UGT1A4: variants seen among roughly 807,000 people sequenced by gnomAD.
UGT1A4 encodes the protein UDP-glucuronosyltransferase 1A4.
UGT1A4 carries 32 observed loss-of-function variants against 41.1 expected under a neutral mutation model. The observed-to-expected ratio is 0.78, with a 90% confidence interval of 0.59 to 1.05. UGT1A4 has a LOEUF of 1.05. UGT1A4 is among the 50% of genes least tolerant of loss of function. The pLI, the probability that UGT1A4 is intolerant of heterozygous loss-of-function variation, is 0.00. For missense variants in UGT1A4, 748 were observed against 677.4 expected (o/e 1.10, Z -1.16); for synonymous variants, 283 against 265.1 (o/e 1.07, Z -0.66).
At chr2:233,737,384 T>C (rs375300244) in intron 1 of UGT1A4, among the ~76,000 whole-genome samples, 6 of 152,362 alleles carry the variant, frequency 3.9e-5, no homozygotes, top group African/African-American at 1.4e-4. Context: ...GAGAATCTCC[T>C]TGTCTGCCAG....
chr2:233,750,338 T>A (rs1437609393), intron 1 of UGT1A4, among the ~76,000 whole-genome samples: 1 of 151,900 alleles, frequency 6.6e-6, no homozygotes, highest in Non-Finnish European at 1.5e-5. Context: ...AGAGAGATGA[T>A]CTGAAATTGG....
chr2:233,750,953 C>T (rs1348696377), intron 1 of UGT1A4, among the ~76,000 whole-genome samples: 2 of 151,802 alleles, frequency 1.3e-5, no homozygotes, highest in Non-Finnish European at 2.9e-5. Context: ...ACAGAGTCTC[C>T]ACTGGGGCAC....
Position 233,760,935 on chromosome 2 carries a change from C to CT in UGT1A4, c.868-6095dup. On this transcript the variant is annotated intron_variant, in intron 1 of 4. Coordinates refer to ENST00000373409, the MANE Select transcript of UGT1A4 (RefSeq NM_007120.3). ...AGCGGGTGAAGAACATGCTCATTGCCTTTTCACAGAACTTTCTGTGCGACG... is the reference window on the plus strand; with the variant it reads ...AGCGGGTGAAGAACATGCTCATTGCCTTTTTCACAGAACTTTCTGTGCGACG... 6.2e-7 allele frequency: 1 copy of CT among 1,614,200 alleles called. No individual in the cohort carries two copies. Among genetic ancestry groups the CT allele is most frequent in the Non-Finnish European group, 8.5e-7 (1 of 1,180,050 alleles).
intron 1 of UGT1A4, among the ~76,000 whole-genome samples, chr2:233,739,272 C>T (rs1444866031): frequency 6.6e-6 from 1 of 152,138 alleles, no homozygotes; most frequent in African/African-American, 2.4e-5. Flanking sequence ...AGGTTGGAGC[C>T]CCCACACAGA....
intron 1 of UGT1A4, among the ~76,000 whole-genome samples, chr2:233,763,591 A>G (rs1698352933): frequency 6.6e-6 from 1 of 152,190 alleles, no homozygotes; most frequent in Non-Finnish European, 1.5e-5. Flanking sequence ...TCCTTTGTTA[A>G]CTAAAAATGC....
Position 233,772,397 on chromosome 2 carries a change from C to A in UGT1A4, c.1443C>A (p.Asp481Glu). Residue 481 changes from aspartate (D) to glutamate (E), a missense_variant, in exon 5 of 5, where the codon GAC becomes GAA. By Grantham distance (45) the Asp-to-Glu change is conservative. Coordinates refer to ENST00000373409, the MANE Select transcript of UGT1A4 (RefSeq NM_007120.3). ...GAPHLRPAAH[D>E]LTWYQYHSLD... The stretch of plus-strand genomic sequence containing the variant: ...CACACCTGCGCCCCGCAGCCCACGA[C>A]CTCACCTGGTACCAGTACCATTCCT... The A allele has an allele frequency of 6.2e-7, 1 of 1,614,254 alleles. No individual in the cohort carries two copies. The highest frequency in any genetic ancestry group is 8.5e-7 in the Non-Finnish European group (1 of 1,180,050).
chr2:233,757,331 A>T (rs1696493214), intron 1 of UGT1A4, among the ~76,000 whole-genome samples: 1 of 150,806 alleles, frequency 6.6e-6, no homozygotes, highest in Non-Finnish European at 1.5e-5. Context: ...CTGAAATGGG[A>T]CCATGACAGC....
intron 1 of UGT1A4, among the ~76,000 whole-genome samples, chr2:233,749,879 T>C (rs965424457): frequency 2.6e-5 from 4 of 151,958 alleles, no homozygotes; most frequent in African/African-American, 9.7e-5. Flanking sequence ...ATTATAAGTT[T>C]CCTGAGGCTC....
At chr2:233,748,103 A>G in intron 1 of UGT1A4, 1 of 1,612,606 alleles carries the variant, frequency 6.2e-7, no homozygotes, top group Non-Finnish European at 8.5e-7. Context: ...CCTTCATCCA[A>G]TCAATGTTCC....
In UGT1A4 at chr2:233,743,013, C is replaced by A. The variant is rs1054809; in HGVS notation, c.867+23326C>A. On this transcript the variant is annotated intron_variant, in intron 1 of 4. Transcript: ENST00000373409. ...CAAATTGCATACAGATATTTTACAA[C>A]GATTGAAAGACAAACAGAGGTCCTA... The A allele has an allele frequency of 1.1e-4, 27 of 235,930 alleles. 1 individual carries two copies. The highest frequency in any genetic ancestry group is 7.5e-4 in the South Asian group (13 of 17,240). 14.6% of individuals were successfully genotyped at this position (235,930 alleles called of 1,614,324 possible). A position where few individuals can be genotyped will look rare whatever the true frequency, so the allele number is the denominator to read the frequency against.
chr2:233,729,159 G>A (rs781569400), intron 1 of UGT1A4: 4 of 1,613,520 alleles, frequency 2.5e-6, no homozygotes, highest in Non-Finnish European at 3.4e-6. Context: ...CCCTGCCGTG[G>A]CTGGCCACAG....
At chr2:233,732,788 G>T (rs1197919428) in intron 1 of UGT1A4, among the ~76,000 whole-genome samples, 1 of 148,664 alleles carries the variant, frequency 6.7e-6, no homozygotes, top group Non-Finnish European at 1.5e-5. Context: ...GATTGTCTTG[G>T]CAATGCAGGC....
chr2:233,748,135 T>C (rs1220195478), intron 1 of UGT1A4: 2 of 1,609,160 alleles, frequency 1.2e-6, no homozygotes, highest in South Asian at 1.1e-5. Flanking sequence ...TTTTTAAAAA[T>C]TGTATTTACT....
At chr2:233,724,944 C>G (rs1166254724) in intron 1 of UGT1A4, among the ~76,000 whole-genome samples, 4 of 144,592 alleles carry the variant, frequency 2.8e-5, no homozygotes, top group African/African-American at 1.1e-4. Context: ...CGTCTGCAAT[C>G]CCGGCACCTC....
At chr2:233,722,022 T>C (rs2076987174) in intron 1 of UGT1A4, 2 of 248,590 alleles carry the variant, frequency 8.0e-6, no homozygotes, top group Non-Finnish European at 1.6e-5. Flanking sequence ...AACTGAAACC[T>C]CTTGAATTGC....
chr2:233,756,837 CA>C (rs1471167768), intron 1 of UGT1A4, among the ~76,000 whole-genome samples: 1 of 151,888 alleles, frequency 6.6e-6, no homozygotes, highest in African/African-American at 2.4e-5. Context: ...AATGATTAAC[CA>C]AAGAACATTC....
intron 1 of UGT1A4, chr2:233,755,405 C>T (rs1027033483): frequency 1.1e-4 from 37 of 334,342 alleles, no homozygotes; most frequent in Middle Eastern, 1.1e-3. Context: ...ATCTCATTGG[C>T]CGAGGCCTGT....
intron 1 of UGT1A4, chr2:233,760,528 G>A (rs2125985500): frequency 1.2e-6 from 2 of 1,614,248 alleles, no homozygotes; most frequent in East Asian, 4.5e-5. Context: ...GACGTACCCT[G>A]TGCCATTCCA....
chr2:233,768,409 A>G lies in UGT1A4; in HGVS notation c.1277A>G (p.Asn426Ser). ...GAAATGACTTCTGAAGATTTAGAAA[A>G]TGCTCTAAAAGCAGTCATCAATGAC... ...VLEMTSEDLE[N>S]ALKAVINDKS... is the part of the protein sequence containing the mutation. The change falls in exon 4 of 5, where the codon AAT becomes AGT. Residue 426 changes from asparagine to serine, a missense_variant. Asn to Ser is a conservative substitution (Grantham distance 46, BLOSUM62 1). Coordinates refer to ENST00000373409, the MANE Select transcript of UGT1A4 (RefSeq NM_007120.3). 1 of 1,614,180 alleles carries G rather than the reference A, an allele frequency of 6.2e-7. No homozygotes were observed. Among genetic ancestry groups the G allele is most frequent in the South Asian group, 1.1e-5 (1 of 91,082 alleles).
Sources: allele counts gnomAD v4.1 joint callset (sites outside exome capture counted in the v4.1 genomes callset), GRCh38; gene constraint gnomAD v4.1.1; transcripts MANE v1.5; gene names NCBI Gene and HGNC (gene_info 2026-07-23, HGNC 2026-07-21).